The following TIMM8B variants were observed in gnomAD, a reference collection of about 807,000 sequenced individuals.
TIMM8B encodes translocase of inner mitochondrial membrane 8 homolog B.
Under a neutral mutation model 8.5 loss-of-function variants are expected in TIMM8B, and 5 were observed. The observed-to-expected ratio is 0.59, with a 90% CI of 0.31 to 1.24. TIMM8B has a LOEUF of 1.24. Ranked by LOEUF, TIMM8B falls within the 50% of genes most tolerant of loss-of-function variation. TIMM8B has a pLI of 0.07. For synonymous variants in TIMM8B, 44 were observed against 39.9 expected, an observed-to-expected ratio of 1.10 and a Z score of -0.39; for missense variants, 104 against 109.2, an observed-to-expected ratio of 0.95 and a Z score of 0.21.
At chr11:112,086,210 A>G (rs1481580980) in intron 1 of TIMM8B, 6 of 524,702 alleles carry the variant, frequency 1.1e-5, no homozygotes, top group Non-Finnish European at 3.5e-6. Context: ...GTCGTTTTCA[A>G]ATACATTGTC....
At chr11:112,086,197 C>T in intron 1 of TIMM8B, 1 of 541,294 alleles carries the variant, frequency 1.8e-6, no homozygotes, top group Middle Eastern at 3.1e-4. Context: ...CGATAATGTT[C>T]TAGTCGTTTT....
intron 1 of TIMM8B, chr11:112,086,362 AGTCAT>A: frequency 1.6e-6 from 1 of 618,942 alleles, no homozygotes; most frequent in Non-Finnish European, 3.0e-6. Context: ...ATGCCAGCCC[AGTCAT>A]GTCGCCGGCT....
intron 1 of TIMM8B, chr11:112,085,963 T>C: frequency 1.9e-6 from 2 of 1,069,918 alleles, no homozygotes. Flanking sequence ...AAAAACCATT[T>C]TACCAAGAGC....
At position 112,086,753 on chromosome 11, in the gene TIMM8B, A is replaced by G. The variant is rs369355134; in HGVS notation, c.-30T>C. Reference sequence around the variant, plus strand: ...CGCCTCAGGCTCGCCACCTTCCGACAGCTGTGTTTGCGCATGCGCGACGGG... The same window carrying G: ...CGCCTCAGGCTCGCCACCTTCCGACGGCTGTGTTTGCGCATGCGCGACGGG... On this transcript the variant is annotated 5_prime_UTR_variant, in exon 1 of 2. Coordinates refer to ENST00000504148, the MANE Select transcript of TIMM8B (RefSeq NM_012459.4). 7 of 1,602,022 alleles carry G rather than the reference A, an allele frequency of 4.4e-6. No homozygotes were observed. The African/African-American group carries it at 8.0e-5, about 18-fold the overall frequency.
chr11:112,085,347 G>C lies in TIMM8B; in HGVS notation c.200C>G (p.Thr67Ser), dbSNP rs756155934. ...SSCVDRFIDT[T>S]LAITSRFAQI... Reference sequence around the variant, plus strand: ...GGCAAACCGACTGGTGATGGCAAGAGTGGTGTCAATGAAGCGGTCTACACA... The same window carrying C: ...GGCAAACCGACTGGTGATGGCAAGACTGGTGTCAATGAAGCGGTCTACACA... Residue 67 changes from threonine to serine, a missense_variant, in exon 2 of 2, where the codon ACT becomes AGT. Transcript: ENST00000504148. The C allele has an allele frequency of 1.9e-6, 3 of 1,613,288 alleles. No individual in the cohort carries two copies. The highest frequency in any genetic ancestry group is 1.1e-5 in the South Asian group (1 of 91,028).
intron 1 of TIMM8B, chr11:112,085,959 C>G (rs1865587701): frequency 9.4e-7 from 1 of 1,063,394 alleles, no homozygotes; most frequent in South Asian, 2.7e-5. Context: ...AGGAAAAAAC[C>G]ATTTTACCAA....
chr11:112,085,816 TGGATCCAC>T (rs1409631298), intron 1 of TIMM8B, among the ~76,000 whole-genome samples: 1 of 152,220 alleles, frequency 6.6e-6, no homozygotes, highest in Non-Finnish European at 1.5e-5. Context: ...TTGGGGGTTA[TGGATCCAC>T]TCCCCAGAAA....
rs1432852939 is a variant in TIMM8B at position 112,084,983 on chromosome 11, T to A, written c.*312A>T. 4.6e-6 allele frequency: 1 copy of A among 215,134 alleles called. No homozygotes were observed. Among genetic ancestry groups the A allele is most frequent in the Non-Finnish European group, 9.2e-6 (1 of 108,540 alleles). The allele number at this position is 215,134 out of a possible 1,614,324, so 13.3% of individuals were successfully genotyped here. ...AAAACCTACAATCCCCCATTTGCAC[T>A]ACTGGCCATGGAACATTTATTTCTA... On this transcript the variant is annotated 3_prime_UTR_variant, in exon 2 of 2. Transcript: ENST00000504148.
Position 112,086,728 on chromosome 11 carries a change from C to A in TIMM8B, c.-5G>T. 6.2e-7 allele frequency: 1 copy of A among 1,601,954 alleles called. No homozygotes were observed. Among genetic ancestry groups the A allele is most frequent in the Non-Finnish European group, 8.5e-7 (1 of 1,176,146 alleles). ...GGCTTCGCCCAGCTCCGCCATTGTT[C>A]GCCTCAGGCTCGCCACCTTCCGACA... On this transcript the variant is annotated 5_prime_UTR_variant, in exon 1 of 2. Transcript: ENST00000504148.
chr11:112,086,175 T>C (rs1865593020), intron 1 of TIMM8B: 5 of 573,324 alleles, frequency 8.7e-6, no homozygotes, highest in South Asian at 7.5e-5. Flanking sequence ...TACTTCAGAG[T>C]CCACCTTCCT....
In TIMM8B at chr11:112,085,363, G is replaced by T; in HGVS notation, c.184C>A (p.Arg62Ser). ...TENCLSSCVD[R>S]FIDTTLAITS... Reference sequence around the variant, plus strand: ...ATGGCAAGAGTGGTGTCAATGAAGCGGTCTACACAGCTGGAGAGACAATTT... The same window carrying T: ...ATGGCAAGAGTGGTGTCAATGAAGCTGTCTACACAGCTGGAGAGACAATTT... Residue 62 changes from arginine to serine, a missense_variant, in exon 2 of 2, where the codon CGC (arginine) becomes AGC (serine). Physicochemically the swap from Arg to Ser is moderately radical, Grantham distance 110. Transcript: ENST00000504148. 1 of 1,613,642 alleles carries T rather than the reference G, an allele frequency of 6.2e-7. No individual in the cohort carries two copies.
At chr11:112,086,519 G>T in intron 1 of TIMM8B, 121 bp downstream of exon 1, 1 of 1,404,530 alleles carries the variant, frequency 7.1e-7, no homozygotes, top group South Asian at 1.4e-5. Context: ...CTTTCGTGAG[G>T]GGAATGGGAT....
intron 1 of TIMM8B, chr11:112,086,374 G>A (rs1335810002): frequency 6.2e-6 from 4 of 641,494 alleles, no homozygotes; most frequent in South Asian, 3.0e-5. Context: ...TCATGTCGCC[G>A]GCTAACTAGT....
At chr11:112,085,887 C>T in intron 1 of TIMM8B, 1 of 488,358 alleles carries the variant, frequency 2.0e-6, no homozygotes, top group Non-Finnish European at 2.9e-6. Flanking sequence ...ATGTTCAGGG[C>T]CCAAAGATTT....
At chr11:112,086,056 G>A in intron 1 of TIMM8B, 1 of 1,177,856 alleles carries the variant, frequency 8.5e-7, no homozygotes, top group Non-Finnish European at 1.1e-6. Context: ...CCATTTAAGA[G>A]GCGTGATTAT....
chr11:112,086,089 G>A (rs1430765617), intron 1 of TIMM8B: 2 of 1,206,512 alleles, frequency 1.7e-6, no homozygotes, highest in Non-Finnish European at 2.1e-6. Context: ...CATGTAGCCA[G>A]CAAGAAGTCA....
intron 1 of TIMM8B, 65 bp downstream of exon 1, chr11:112,086,575 G>C (rs933258191): frequency 6.7e-7 from 1 of 1,495,998 alleles, no homozygotes. Context: ...ACAGACCTCC[G>C]AGCGTGCCCA....
At position 112,085,025 on chromosome 11, in the gene TIMM8B, G is replaced by C. The variant is rs1422765310; in HGVS notation, c.*270C>G. On this transcript the variant is annotated 3_prime_UTR_variant, in exon 2 of 2. Coordinates refer to ENST00000504148, the MANE Select transcript of TIMM8B (RefSeq NM_012459.4). ...TTATTTCTAGTGTTCCTGCCAATCA[G>C]AGATCTCTATATTAAATTCTAAAAT... 9 of 291,810 alleles carry C rather than the reference G, an allele frequency of 3.1e-5. No homozygotes were observed. The highest frequency in any genetic ancestry group is 4.5e-5 in the Non-Finnish European group (7 of 157,216). 18.1% of individuals were successfully genotyped at this position (291,810 alleles called of 1,614,324 possible).
rs368094693 is a variant in TIMM8B, at chr11:112,086,622, C to T, written c.84+18G>A. ...GAAGGTGAAACTTCCTTTCCCTTCA[C>T]CCTCCCCGTCCCCGCACCTGTGCAG... On this transcript the variant is annotated intron_variant, in intron 1 of 1. Coordinates refer to ENST00000504148, the MANE Select transcript of TIMM8B (RefSeq NM_012459.4). The T allele has an allele frequency of 2.5e-6, 4 of 1,575,586 alleles. No individual in the cohort carries two copies. In the East Asian group the frequency reaches 9.1e-5, roughly 36 times the overall value.
Sources: allele counts gnomAD v4.1 joint callset (sites outside exome capture counted in the v4.1 genomes callset), GRCh38; gene constraint gnomAD v4.1.1; transcripts MANE v1.5; gene names NCBI Gene and HGNC (gene_info 2026-07-23, HGNC 2026-07-21).